The following KLF12 variants were observed in gnomAD, a reference collection of about 807,000 sequenced individuals.
The protein encoded by KLF12 is Krueppel-like factor 12.
A neutral mutation model predicts 37.8 loss-of-function variants in KLF12; 9 were observed. The observed-to-expected ratio is 0.24, with a 90% CI of 0.14 to 0.42. The LOEUF is 0.42. Among genes scored for constraint, KLF12 ranks in the 10% least tolerant of loss-of-function variants. The probability of loss-of-function intolerance (pLI) is 1.00; values close to 1 mark genes in which losing one functional copy is unlikely to be tolerated. For missense variants in KLF12, 411 were observed against 516.0 expected (o/e 0.80, Z 1.97); for synonymous variants, 208 against 202.1 (o/e 1.03, Z -0.25).
At chr13:74,178,561 T>C in the KLF12 span, among the ~76,000 whole-genome samples, 1 of 152,190 alleles carries the variant, frequency 6.6e-6, no homozygotes, top group African/African-American at 2.4e-5. Flanking sequence ...TCCATGTGCT[T>C]CTTTGTGGTG....
intron 1 of KLF12, among the ~76,000 whole-genome samples, chr13:74,063,990 A>C (rs910274335): frequency 6.6e-6 from 1 of 152,220 alleles, no homozygotes; most frequent in Admixed American, 6.5e-5. Context: ...AGAAGCTTCC[A>C]TATGATTCTA....
the KLF12 span, among the ~76,000 whole-genome samples, chr13:74,229,897 C>T: frequency 6.6e-6 from 1 of 152,142 alleles, no homozygotes. Context: ...TAAAATGTGA[C>T]ATGTTTCCTT....
chr13:74,164,206 T>G, the KLF12 span, among the ~76,000 whole-genome samples: 1 of 152,146 alleles, frequency 6.6e-6, no homozygotes, highest in African/African-American at 2.4e-5. Context: ...AACCCTTCTG[T>G]TTTCTTCCCA....
rs1873853204 is a variant in KLF12, at chr13:73,692,021, G to A, written c.*3469C>T. On this transcript the variant is annotated 3_prime_UTR_variant, in exon 8 of 8. Coordinates refer to ENST00000377669, the MANE Select transcript of KLF12 (RefSeq NM_007249.5). ...TTAAGCTTTCAAGTGAATGAAAAGT[G>A]CTCATTTTTTTAAAAAATGTGGTTT... 6.6e-6 allele frequency: 1 copy of A among 152,558 alleles called. No individual in the cohort carries two copies. The highest frequency in any genetic ancestry group is 2.4e-5 in the African/African-American group (1 of 41,412). 9.5% of individuals were successfully genotyped at this position (152,558 alleles called of 1,614,324 possible). A position where few individuals can be genotyped will look rare whatever the true frequency, so the allele number is the denominator to read the frequency against.
intron 1 of KLF12, among the ~76,000 whole-genome samples, chr13:74,036,945 C>T (rs1215274874): frequency 6.6e-6 from 1 of 152,138 alleles, no homozygotes; most frequent in East Asian, 1.9e-4. Flanking sequence ...GTGGCTCACG[C>T]CTGTAATCCC....
At position 74,058,891 on chromosome 13, in the gene KLF12, C is replaced by T. The variant is rs535078900; in HGVS notation, c.-31-63838G>A. Among the ~76,000 whole-genome samples, 5 of 152,196 alleles carry T rather than the reference C, an allele frequency of 3.3e-5. No individual in the cohort carries two copies. The South Asian group carries it at 1.0e-3, about 32-fold the overall frequency. ...GCTGGGGTTTGGGCTTCTAATGAGC[C>T]CATCACCCATAAATGATCATTGTAC... On this transcript the variant is annotated intron_variant, in intron 1 of 7. Transcript: ENST00000377669.
intron 6 of KLF12, among the ~76,000 whole-genome samples, chr13:73,722,176 G>A (rs1423395583): frequency 2.0e-5 from 3 of 152,138 alleles, no homozygotes; most frequent in Admixed American, 2.0e-4. Context: ...AATACCTGTA[G>A]GTAGAATGAC....
intron 3 of KLF12, among the ~76,000 whole-genome samples, chr13:73,920,080 A>C (rs1028953845): frequency 3.3e-5 from 5 of 152,186 alleles, no homozygotes; most frequent in South Asian, 4.1e-4. Context: ...AGAAAGATGC[A>C]AACTAGCTTG....
Position 74,057,361 on chromosome 13 carries a change from C to G in KLF12, c.-31-62308G>C, listed in dbSNP as rs554148560. On this transcript the variant is annotated intron_variant, in intron 1 of 7. Coordinates refer to ENST00000377669, the MANE Select transcript of KLF12 (RefSeq NM_007249.5). ...CTGCCTGAAACCTCCACCCCATCCC[C>G]AGGGACCGAGAGGGAACTGTGACCT... is the stretch of plus-strand genomic sequence containing the variant. Among the ~76,000 whole-genome samples, 3 of 152,290 alleles carry G rather than the reference C, an allele frequency of 2.0e-5. No individual in the cohort carries two copies. In the South Asian group the frequency reaches 6.2e-4, roughly 32 times the overall value.
chr13:74,170,079 C>T, the KLF12 span, among the ~76,000 whole-genome samples: 1 of 152,046 alleles, frequency 6.6e-6, no homozygotes, highest in Non-Finnish European at 1.5e-5. Context: ...TCCACATTTA[C>T]ACCTATAGAC....
chr13:74,221,423 T>A, the KLF12 span, among the ~76,000 whole-genome samples: 1 of 152,196 alleles, frequency 6.6e-6, no homozygotes, highest in African/African-American at 2.4e-5. Context: ...CTTTCTCACC[T>A]CTTTTTGGGT....
the KLF12 span, among the ~76,000 whole-genome samples, chr13:74,272,720 T>C: frequency 6.6e-6 from 1 of 152,048 alleles, no homozygotes; most frequent in African/African-American, 2.4e-5. Context: ...AAAAGTAAAA[T>C]CTTAAATACT....
chr13:73,859,718 C>T lies in KLF12; in HGVS notation c.124-13345G>A, dbSNP rs561211152. On this transcript the variant is annotated intron_variant, in intron 3 of 7. Transcript: ENST00000377669. Reference sequence around the variant, plus strand: ...AAAATAAGGACAACAAAAATCCTTCCTCATTTAGGAATAGAATCCTGCATT... The same window carrying T: ...AAAATAAGGACAACAAAAATCCTTCTTCATTTAGGAATAGAATCCTGCATT... 8.5e-5 allele frequency among the ~76,000 whole-genome samples: 13 copies of T among 152,192 alleles called. No individual in the cohort carries two copies. In the East Asian group the frequency reaches 2.5e-3, roughly 29 times the overall value.
chr13:73,855,717 T>C (rs7984517), intron 3 of KLF12, among the ~76,000 whole-genome samples: 5,694 of 152,262 alleles, frequency 0.037, 304 homozygotes, highest in African/African-American at 0.11. Flanking sequence ...CAAGGGCGTA[T>C]AAGCACCTCA....
At chr13:73,836,976 A>G (rs925315593) in intron 4 of KLF12, among the ~76,000 whole-genome samples, 12 of 151,952 alleles carry the variant, frequency 7.9e-5, no homozygotes, top group Non-Finnish European at 1.5e-4. Context: ...ATCACCTTAC[A>G]ATGAAATGAA....
chr13:74,183,091 T>C, the KLF12 span, among the ~76,000 whole-genome samples: 20 of 152,346 alleles, frequency 1.3e-4, no homozygotes, highest in African/African-American at 4.8e-4. Flanking sequence ...TCTATCCTTT[T>C]GTGCCTACCA....
At chr13:73,953,028 G>A (rs1890699112) in intron 2 of KLF12, among the ~76,000 whole-genome samples, 1 of 152,198 alleles carries the variant, frequency 6.6e-6, no homozygotes, top group South Asian at 2.1e-4. Context: ...GCTGGGAGAA[G>A]AGTGTCAAGA....
intron 2 of KLF12, among the ~76,000 whole-genome samples, chr13:73,976,019 G>C (rs1891511185): frequency 6.6e-6 from 1 of 152,044 alleles, no homozygotes. Context: ...ACCCCATGCA[G>C]GCACACATTA....
chr13:73,799,953 C>T (rs1882199304), intron 5 of KLF12: 1 of 151,964 alleles, frequency 6.6e-6, no homozygotes, highest in South Asian at 2.1e-4. Flanking sequence ...ATTTTATTTC[C>T]AATTATTTAG....
Sources: gnomAD v4.1 joint callset for allele counts (sites outside exome capture counted in the v4.1 genomes callset) on GRCh38, gnomAD v4.1.1 for gene constraint, MANE v1.5 for transcripts, NCBI Gene and HGNC (gene_info 2026-07-23, HGNC 2026-07-21) for gene names.